The following SART1 variants were observed in gnomAD, a reference collection of about 807,000 sequenced individuals.
SART1 encodes spliceosome associated factor 1, recruiter of U4/U6.U5 tri-snRNP.
Under a neutral mutation model 105.0 loss-of-function variants are expected in SART1, and 28 were observed. The observed-to-expected ratio is 0.27, with a 90% CI of 0.20 to 0.37. The LOEUF (loss-of-function observed/expected upper bound fraction) is 0.37, where lower values mean the gene tolerates loss of function less well. Ranked by LOEUF, SART1 falls within the 10% of genes least tolerant of loss-of-function variation. SART1 has a pLI of 1.00. For missense variants in SART1, 894 were observed against 1,106.5 expected (o/e 0.81, Z 2.72); for synonymous variants, 472 against 462.9 (o/e 1.02, Z -0.25).
At chr11:65,966,628 G>T (rs751621132) in intron 9 of SART1, 72 bp downstream of exon 9, 7 of 1,400,382 alleles carry the variant, frequency 5.0e-6, no homozygotes, top group Non-Finnish European at 6.6e-6. Context: ...CTGCCCGCAG[G>T]CACTGAGAAG....
At chr11:65,964,317 G>A (rs974372565) in intron 2 of SART1, 186 bp downstream of exon 2, 3 of 825,762 alleles carry the variant, frequency 3.6e-6, no homozygotes, top group Admixed American at 2.1e-5. Context: ...GGCATTCACT[G>A]GTTAGACGCA....
intron 12 of SART1, among the ~76,000 whole-genome samples, chr11:65,973,396 C>G (rs1372687115): frequency 6.6e-6 from 1 of 152,076 alleles, no homozygotes; most frequent in Non-Finnish European, 1.5e-5. Context: ...AAGAGAAAGC[C>G]TAACTCACCA....
rs1184292908 is a variant in SART1, at chr11:65,979,035, G to A, written c.*5G>A. ...AGGAACACCATCACCAAGTGACAGC[G>A]CCCTCCCGCCCCGGCCCTGCCTCAA... On this transcript the variant is annotated 3_prime_UTR_variant, in exon 20 of 20. Coordinates refer to ENST00000312397, the MANE Select transcript of SART1 (RefSeq NM_005146.5). The A allele has an allele frequency of 1.2e-5, 19 of 1,613,956 alleles. No homozygotes were observed. The Middle Eastern group carries it at 4.9e-4, about 42-fold the overall frequency.
intron 2 of SART1, 164 bp from the exon 3 acceptor site, chr11:65,964,351 C>T (rs1855205511): frequency 5.5e-6 from 5 of 916,020 alleles, no homozygotes; most frequent in Non-Finnish European, 8.7e-6. Context: ...CCCATGTTTC[C>T]TGCTTTGGAG....
At position 65,978,238 on chromosome 11, in the gene SART1, T is replaced by C. The variant is rs1190877981; in HGVS notation, c.2172+339T>C. ...CAGCGTCCAGGCCCTTCCAGCACTC[T>C]CGTAGGCCGCCCGACCGTCCTGCCC... On this transcript the variant is annotated intron_variant, in intron 17 of 19. Transcript: ENST00000312397. This position sits in a 1 kb window ranked among gnomAD's most constrained non-coding sequence, Gnocchi z 6.8. 2 of 494,630 alleles carry C rather than the reference T, an allele frequency of 4.0e-6. No homozygotes were observed. The highest frequency in any genetic ancestry group is 7.3e-6 in the Non-Finnish European group (2 of 272,828). The allele number at this position is 494,630 out of a possible 1,614,324, so 30.6% of individuals were successfully genotyped here.
At chr11:65,977,234 C>T in intron 15 of SART1, 133 bp downstream of exon 15, 1 of 664,862 alleles carries the variant, frequency 1.5e-6, no homozygotes, top group Non-Finnish European at 2.6e-6. Flanking sequence ...CGGCCCAGAG[C>T]CACTCCTTCC....
rs768624224 is a variant in SART1 at position 65,977,010 on chromosome 11, G to A, written c.1858-4G>A. 3.0e-5 allele frequency: 49 copies of A among 1,613,298 alleles called. No individual in the cohort carries two copies. In the South Asian group the frequency reaches 4.7e-4, roughly 16 times the overall value. ...GCTAACCACCCCCGCCACGTGTCCCGTAGTTCTCTGCTTCCTCCACCACCA... is the reference window on the plus strand; with the variant it reads ...GCTAACCACCCCCGCCACGTGTCCCATAGTTCTCTGCTTCCTCCACCACCA... On this transcript the variant is annotated splice_polypyrimidine_tract_variant and splice_region_variant and intron_variant, in intron 14 of 19. Transcript: ENST00000312397.
chr11:65,977,174 G>A (rs1855499928), intron 15 of SART1, 73 bp downstream of exon 15: 2 of 1,120,876 alleles, frequency 1.8e-6, no homozygotes, highest in Non-Finnish European at 2.7e-6. Context: ...GCCCCCTCCG[G>A]TCCCCTCTGC....
At position 65,962,037 on chromosome 11, in the gene SART1, C is replaced by G. The variant is rs773035344; in HGVS notation, c.257C>G (p.Ala86Gly). ...ACGCACGGGCGGGAGCGCAGCCAGG[C>G]AGAGCCCTCCGAGCGGCGCGTGAAG... ...SSTHGRERSQ[A>G]EPSERRVKRE... Residue 86 changes from alanine (A) to glycine (G), a missense_variant, in exon 1 of 20, where the codon GCA (alanine) becomes GGA (glycine). Ala to Gly is a moderately conservative substitution (Grantham distance 60). Around this residue, in one of 2 missense-constraint regions of SART1, gnomAD observed 712 missense variants for 778.2 expected, o/e 0.91. Coordinates refer to ENST00000312397, the MANE Select transcript of SART1 (RefSeq NM_005146.5). 244 of 1,501,180 alleles carry G rather than the reference C, an allele frequency of 1.6e-4. No homozygotes were observed. The highest frequency in any genetic ancestry group is 1.6e-4 in the Non-Finnish European group (185 of 1,132,490). 93.0% of individuals were successfully genotyped at this position (1,501,180 alleles called of 1,614,324 possible).
Position 65,977,001 on chromosome 11 carries a change from A to G in SART1, c.1858-13A>G. On this transcript the variant is annotated splice_polypyrimidine_tract_variant and intron_variant, in intron 14 of 19. Transcript: ENST00000312397. ...GTATGGCCTGCTAACCACCCCCGCC[A>G]CGTGTCCCGTAGTTCTCTGCTTCCT... 1 of 1,611,270 alleles carries G rather than the reference A, an allele frequency of 6.2e-7. No individual in the cohort carries two copies. The highest frequency in any genetic ancestry group is 1.3e-5 in the African/African-American group (1 of 74,946).
rs1855145455 is a variant in SART1 at position 65,961,738 on chromosome 11, G to A, written c.-43G>A. 2.7e-6 allele frequency: 4 copies of A among 1,463,062 alleles called. No homozygotes were observed. The South Asian group carries it at 4.3e-5, about 16-fold the overall frequency. The allele number at this position is 1,463,062 out of a possible 1,614,324, so 90.6% of individuals were successfully genotyped here. On this transcript the variant is annotated 5_prime_UTR_variant, in exon 1 of 20. Coordinates refer to ENST00000312397, the MANE Select transcript of SART1 (RefSeq NM_005146.5). ...CCCGGAAGTATTCCCATTTTGCGTT[G>A]TCTGGGCTCGGCGGCAGCCGGGCTC...
In SART1 at chr11:65,962,043, C is replaced by T. The variant is rs1280722988; in HGVS notation, c.263C>T (p.Pro88Leu). 13 of 1,499,928 alleles carry T rather than the reference C, an allele frequency of 8.7e-6. No individual in the cohort carries two copies. Among genetic ancestry groups the T allele is most frequent in the Middle Eastern group, 2.3e-4 (1 of 4,280 alleles). The allele number at this position is 1,499,928 out of a possible 1,614,324, so 92.9% of individuals were successfully genotyped here. Residue 88 changes from proline (P) to leucine (L), a missense_variant, in exon 1 of 20, where the codon CCC (proline) becomes CTC (leucine). Pro to Leu is a moderately conservative substitution (Grantham distance 98, BLOSUM62 -3). This residue lies in a region of SART1 where 712 missense variants were observed against 778.2 expected (regional missense o/e 0.91). Coordinates refer to ENST00000312397, the MANE Select transcript of SART1 (RefSeq NM_005146.5). ...GGGCGGGAGCGCAGCCAGGCAGAGCCCTCCGAGCGGCGCGTGAAGCGGGAG... is the reference window on the plus strand; with the variant it reads ...GGGCGGGAGCGCAGCCAGGCAGAGCTCTCCGAGCGGCGCGTGAAGCGGGAG... ...THGRERSQAE[P>L]SERRVKREKR... is the part of the protein sequence containing the mutation.
chr11:65,964,409 T>A, intron 2 of SART1, 106 bp from the exon 3 acceptor site: 1 of 1,356,572 alleles, frequency 7.4e-7, no homozygotes, highest in Non-Finnish European at 1.0e-6. Flanking sequence ...AGACTTTGTG[T>A]TTGGGACCAC....
At chr11:65,964,924 G>T in intron 3 of SART1, 168 bp from the exon 4 acceptor site, 1 of 844,820 alleles carries the variant, frequency 1.2e-6, no homozygotes, top group South Asian at 2.2e-5. Context: ...TGCTGCATGG[G>T]TTGGCCAGGA....
intron 12 of SART1, among the ~76,000 whole-genome samples, chr11:65,974,371 CAAAA>C (rs55994535): frequency 1.5e-5 from 1 of 65,254 alleles, no homozygotes; most frequent in Non-Finnish European, 2.8e-5. Flanking sequence ...GACTCTGTCT[CAAAA>C]AAAAAAAAAA....
At position 65,979,818 on chromosome 11, in the gene SART1, TTAAAGAA is replaced by T. The variant is rs1855554147; in HGVS notation, c.*792_*798del. The T allele has an allele frequency of 6.6e-6, 1 of 152,132 alleles. No homozygotes were observed. The highest frequency in any genetic ancestry group is 2.4e-5 in the African/African-American group (1 of 41,420). The allele number at this position is 152,132 out of a possible 1,614,324, so 9.4% of individuals were successfully genotyped here. A position where few individuals can be genotyped will look rare whatever the true frequency, so the allele number is the denominator to read the frequency against. On this transcript the variant is annotated 3_prime_UTR_variant, in exon 20 of 20. Coordinates refer to ENST00000312397, the MANE Select transcript of SART1 (RefSeq NM_005146.5). ...AATAAATTGAAGAAAACTGTAAACT[TTAAAGAA>T]TAATCAGCTGGGCGCAGTGGCTCAT...
intron 12 of SART1, among the ~76,000 whole-genome samples, chr11:65,968,092 G>A (rs949419548): frequency 5.9e-5 from 9 of 152,122 alleles, no homozygotes; most frequent in Non-Finnish European, 1.3e-4. Context: ...TGGGATTACA[G>A]GCGCACGCCA....
intron 9 of SART1, 24 bp from the exon 10 acceptor site, chr11:65,967,235 A>G (rs140009945): frequency 5.8e-5 from 94 of 1,611,010 alleles, no homozygotes; most frequent in Middle Eastern, 1.7e-4. Context: ...CCCCCGCTCC[A>G]TGTCTCGCCC....
intron 12 of SART1, among the ~76,000 whole-genome samples, chr11:65,970,679 T>C (rs1855357390): frequency 6.6e-6 from 1 of 151,102 alleles, no homozygotes; most frequent in Non-Finnish European, 1.5e-5. Context: ...GGAGATGCTG[T>C]TCTGGAGAGT....
Sources: gnomAD v4.1 joint callset for allele counts (sites outside exome capture counted in the v4.1 genomes callset) on GRCh38, gnomAD v4.1.1 for gene constraint, gnomAD v4.1.1 regional missense constraint, Gnocchi (gnomAD v3.1) non-coding constraint, MANE v1.5 for transcripts, NCBI Gene and HGNC (gene_info 2026-07-23, HGNC 2026-07-21) for gene names.